PCDHA9: variants seen among roughly 807,000 people sequenced by gnomAD.
PCDHA9 encodes the protein protocadherin alpha-9.
PCDHA9 carries 62 observed loss-of-function variants against 62.0 expected under a neutral mutation model. The ratio of observed to expected loss-of-function variants is 1.00; its 90% confidence interval spans 0.81 to 1.23. The LOEUF (loss-of-function observed/expected upper bound fraction) is 1.23. Ranked by LOEUF, PCDHA9 falls within the 50% of genes most tolerant of loss-of-function variation. The pLI is 0.00. For missense variants in PCDHA9, 1,205 were observed against 1,249.8 expected, an observed-to-expected ratio of 0.96 and a Z score of 0.54; for synonymous variants, 557 against 567.6, an observed-to-expected ratio of 0.98 and a Z score of 0.27.
At chr5:140,951,343 G>C (rs2094573680) in intron 1 of PCDHA9, among the ~76,000 whole-genome samples, 1 of 151,988 alleles carries the variant, frequency 6.6e-6, no homozygotes, top group South Asian at 2.1e-4. Flanking sequence ...GTTTGTGTTA[G>C]TCCATTATTG....
intron 1 of PCDHA9, chr5:140,927,060 CT>C: frequency 1.2e-6 from 2 of 1,611,446 alleles, no homozygotes; most frequent in Non-Finnish European, 1.7e-6. Context: ...GGAACTTTCG[CT>C]TCCTTTCCAG....
chr5:140,933,677 T>C (rs1024721491), intron 1 of PCDHA9, among the ~76,000 whole-genome samples: 1 of 151,826 alleles, frequency 6.6e-6, no homozygotes, highest in Non-Finnish European at 1.5e-5. Flanking sequence ...CTCTCTCACA[T>C]TTTTTTTCCT....
chr5:140,876,960 G>A (rs781808609), intron 1 of PCDHA9: 4 of 1,613,122 alleles, frequency 2.5e-6, no homozygotes, highest in East Asian at 4.5e-5. Context: ...CGCTGGTGGA[G>A]CGGCGGGTGG....
intron 1 of PCDHA9, among the ~76,000 whole-genome samples, chr5:140,932,571 A>G (rs1308740705): frequency 1.3e-5 from 2 of 151,926 alleles, no homozygotes; most frequent in African/African-American, 4.8e-5. Context: ...AGACTTTCCC[A>G]TAGGGTAATT....
chr5:140,937,933 A>C (rs1452935525), intron 1 of PCDHA9, among the ~76,000 whole-genome samples: 1 of 151,854 alleles, frequency 6.6e-6, no homozygotes, highest in Non-Finnish European at 1.5e-5. Flanking sequence ...AAAAAGTTTA[A>C]TTTGATAATT....
chr5:140,851,798 T>C lies in PCDHA9; in HGVS notation c.2394+909T>C. On this transcript the variant is annotated intron_variant, in intron 1 of 3. Coordinates refer to ENST00000532602, the MANE Select transcript of PCDHA9 (RefSeq NM_031857.2). ...TTTAGATGAGAATTCACTTGTTCTGTCAGTAATCCATAAGACAGAAATCTG... is the reference window on the plus strand; with the variant it reads ...TTTAGATGAGAATTCACTTGTTCTGCCAGTAATCCATAAGACAGAAATCTG... 3 of 953,066 alleles carry C rather than the reference T, an allele frequency of 3.1e-6. No individual in the cohort carries two copies. The South Asian group carries it at 1.5e-4, about 46-fold the overall frequency. 59.0% of individuals were successfully genotyped at this position (953,066 alleles called of 1,614,324 possible). A position where few individuals can be genotyped will look rare whatever the true frequency, so the allele number is the denominator to read the frequency against.
chr5:140,966,281 G>T, intron 1 of PCDHA9: 1 of 366,828 alleles, frequency 2.7e-6, no homozygotes, highest in Non-Finnish European at 4.8e-6. Context: ...TGGACAGTGG[G>T]GGTAGGGAGA....
At chr5:140,972,660 A>ATTTTTTTT (rs11350929) in intron 1 of PCDHA9, among the ~76,000 whole-genome samples, 1 of 117,268 alleles carries the variant, frequency 8.5e-6, no homozygotes, top group Non-Finnish European at 1.7e-5. Context: ...AAGAAACCAA[A>ATTTTTTTT]TTTTTTTTTT....
intron 1 of PCDHA9, chr5:140,929,073 T>C (rs782591499): frequency 1.9e-6 from 3 of 1,614,200 alleles, no homozygotes; most frequent in Non-Finnish European, 2.5e-6. Flanking sequence ...ATCTGAGGTA[T>C]GGAAGTAAGA....
intron 1 of PCDHA9, among the ~76,000 whole-genome samples, chr5:140,964,181 T>A (rs1563333888): frequency 6.6e-6 from 1 of 152,218 alleles, no homozygotes; most frequent in African/African-American, 2.4e-5. Context: ...ATCATTATAG[T>A]GCCAAATAGA....
intron 2 of PCDHA9, among the ~76,000 whole-genome samples, chr5:140,981,379 G>A (rs1387904235): frequency 1.3e-5 from 2 of 152,152 alleles, no homozygotes; most frequent in Admixed American, 1.3e-4. Flanking sequence ...TTCAAGACCA[G>A]CCTGGTCAAT....
intron 3 of PCDHA9, among the ~76,000 whole-genome samples, chr5:141,001,903 A>G (rs2098043091): frequency 6.6e-6 from 1 of 152,190 alleles, no homozygotes; most frequent in African/African-American, 2.4e-5. Flanking sequence ...GGGCTGTTTG[A>G]AAAAGACTGC....
chr5:140,887,857 G>A lies in PCDHA9; in HGVS notation c.2394+36968G>A, dbSNP rs139840938. Among the ~76,000 whole-genome samples the A allele has an allele frequency of 2.6e-3, 395 of 152,084 alleles. 2 individuals carry two copies. The highest frequency in any genetic ancestry group is 9.3e-3 in the African/African-American group (384 of 41,488). ...TATCTTTTATTGACATATTTTCCAAGTTCACTAATTTTTCCTTTTGTAGTA... is the reference window on the plus strand; with the variant it reads ...TATCTTTTATTGACATATTTTCCAAATTCACTAATTTTTCCTTTTGTAGTA... On this transcript the variant is annotated intron_variant, in intron 1 of 3. Coordinates refer to ENST00000532602, the MANE Select transcript of PCDHA9 (RefSeq NM_031857.2).
chr5:140,925,397 C>T (rs2082477792), intron 1 of PCDHA9, among the ~76,000 whole-genome samples: 1 of 152,048 alleles, frequency 6.6e-6, no homozygotes, highest in African/African-American at 2.4e-5. Flanking sequence ...TTTGGCTCGC[C>T]TCCTTCTTAG....
intron 1 of PCDHA9, among the ~76,000 whole-genome samples, chr5:140,942,466 A>G (rs1269455545): frequency 2.0e-5 from 3 of 152,266 alleles, no homozygotes; most frequent in African/African-American, 7.2e-5. Flanking sequence ...TAATACAATC[A>G]AATTCAAGCT....
Position 140,884,301 on chromosome 5 carries a change from C to T in PCDHA9, c.2394+33412C>T, listed in dbSNP as rs375535055. On this transcript the variant is annotated intron_variant, in intron 1 of 3. Transcript: ENST00000532602. ...GTGGAGAGCGGCCAAGCGCCACAGG[C>T]TTCGTCGAGGGCGTCGGCAGGCGCT... 4.3e-6 allele frequency: 7 copies of T among 1,613,608 alleles called. No homozygotes were observed. The African/African-American group carries it at 8.0e-5, about 18-fold the overall frequency.
At chr5:140,951,988 A>C (rs2094668820) in intron 1 of PCDHA9, among the ~76,000 whole-genome samples, 1 of 152,226 alleles carries the variant, frequency 6.6e-6, no homozygotes, top group African/African-American at 2.4e-5. Context: ...GGGAAAAACC[A>C]GCCAAAAGAA....
chr5:140,857,329 G>T (rs781793178), intron 1 of PCDHA9: 1 of 1,598,568 alleles, frequency 6.3e-7, no homozygotes. Context: ...TGACCGCGCG[G>T]GACGGGGGCT....
intron 1 of PCDHA9, among the ~76,000 whole-genome samples, chr5:140,978,505 C>T (rs2096806553): frequency 6.6e-6 from 1 of 152,354 alleles, no homozygotes; most frequent in South Asian, 2.1e-4. Context: ...AGATTGCAGT[C>T]CTCTGCAGTC....
Sources: allele counts gnomAD v4.1 joint callset (sites outside exome capture counted in the v4.1 genomes callset), GRCh38; gene constraint gnomAD v4.1.1; transcripts MANE v1.5; gene names NCBI Gene and HGNC (gene_info 2026-07-23, HGNC 2026-07-21).